TMLHE: variants seen among roughly 807,000 people sequenced by gnomAD.
TMLHE encodes trimethyllysine hydroxylase, epsilon, also known as trimethyllysine dioxygenase, mitochondrial.
In TMLHE, 18 loss-of-function variants were observed where a neutral mutation model predicts 25.7. The observed-to-expected ratio is 0.70, with a 90% CI of 0.48 to 1.04. The LOEUF is 1.04. Ranked by LOEUF, TMLHE falls within the 50% of genes least tolerant of loss-of-function variation. The pLI, the probability that TMLHE is intolerant of heterozygous loss-of-function variation, is 0.00. For missense variants in TMLHE, 236 were observed against 259.0 expected (o/e 0.91, Z 0.61); for synonymous variants, 105 against 97.0 (o/e 1.08, Z -0.49).
chrX:155,588,549 C>T (rs1422734754), intron 1 of TMLHE, among the ~76,000 whole-genome samples: 2 of 111,188 alleles, frequency 1.8e-5, no homozygotes, highest in East Asian at 2.8e-4. Flanking sequence ...GAAGAGACAA[C>T]CCATTGAATG....
rs782579314 is a variant in TMLHE at position 155,549,639 on chromosome X, G to T, written c.-1-4362C>A. Among the ~76,000 whole-genome samples the T allele has an allele frequency of 8.2e-5, 9 of 109,918 alleles. No individual in the cohort carries two copies. In the East Asian group the frequency reaches 2.5e-3, roughly 31 times the overall value. ...TTCAATATGCTGAAATTTTGTTTCA[G>T]TATTTTGCATCTAGATACATGAGGA... is the stretch of plus-strand genomic sequence containing the variant. On this transcript the variant is annotated intron_variant, in intron 1 of 7. Transcript: ENST00000334398.
intron 2 of TMLHE, among the ~76,000 whole-genome samples, chrX:155,537,196 A>G (rs1172448090): frequency 1.8e-5 from 2 of 112,107 alleles, no homozygotes; most frequent in African/African-American, 6.5e-5. Context: ...CAGGATGGAT[A>G]ATGGATCATC....
intron 1 of TMLHE, among the ~76,000 whole-genome samples, chrX:155,555,030 C>T (rs1557340544): frequency 9.1e-6 from 1 of 109,942 alleles, no homozygotes; most frequent in African/African-American, 3.3e-5. Context: ...ATCCCTTCCC[C>T]AGCTCCCCAC....
Position 155,514,096 on chromosome X carries a change from T to G in TMLHE, c.528A>C (p.Gly176=). The G allele has an allele frequency of 1.7e-6, 2 of 1,211,238 alleles. No individual in the cohort carries two copies. The highest frequency in any genetic ancestry group is 3.5e-5 in the African/African-American group (2 of 57,757). The change falls in exon 4 of 8, where the codon GGA becomes GGC. Residue 176 remains glycine, a synonymous_variant. Transcript: ENST00000334398. The part of the protein sequence containing the change: ...DCQSFLETNE[G]LKKFLQNFLL... ...GAAAGTTTTGCAGAAACTTCTTCAG[T>G]CCCTCGTTGGTTTCTAAGAAGCTCT...
intron 1 of TMLHE, among the ~76,000 whole-genome samples, chrX:155,547,209 A>G (rs2067352783): frequency 1.1e-5 from 1 of 91,986 alleles, no homozygotes; most frequent in Non-Finnish European, 2.3e-5. Flanking sequence ...CAGTGGCGCT[A>G]TCTCGGCTCA....
intron 1 of TMLHE, among the ~76,000 whole-genome samples, chrX:155,558,872 A>G (rs1451534920): frequency 8.9e-6 from 1 of 111,999 alleles, no homozygotes; most frequent in Non-Finnish European, 1.9e-5. Context: ...ATATGTAATT[A>G]TGTCTGCCAT....
At chrX:155,582,904 A>C (rs1468565162) in intron 1 of TMLHE, among the ~76,000 whole-genome samples, 1 of 112,505 alleles carries the variant, frequency 8.9e-6, no homozygotes, top group Admixed American at 9.4e-5. Context: ...TCACAATAGC[A>C]AAGACTTGGA....
intron 1 of TMLHE, among the ~76,000 whole-genome samples, chrX:155,599,141 GTAGT>G (rs1406781972): frequency 8.9e-6 from 1 of 111,987 alleles, no homozygotes; most frequent in Non-Finnish European, 1.9e-5. Context: ...TAGGCTATTA[GTAGT>G]TAAGTTTGGG....
intron 1 of TMLHE, among the ~76,000 whole-genome samples, chrX:155,585,443 AC>A (rs2124478751): frequency 9.0e-6 from 1 of 110,598 alleles, no homozygotes; most frequent in African/African-American, 3.3e-5. Flanking sequence ...ACACACACAC[AC>A]ACACACACAT....
intron 4 of TMLHE, 92 bp downstream of exon 4, chrX:155,513,894 G>A (rs1334670322): frequency 6.4e-6 from 6 of 941,754 alleles, no homozygotes; most frequent in African/African-American, 5.9e-5. Context: ...GATTGAAAAC[G>A]AGGGTGACCA....
At chrX:155,515,275 CA>C (rs2067144521) in intron 3 of TMLHE, among the ~76,000 whole-genome samples, 1 of 110,466 alleles carries the variant, frequency 9.1e-6, no homozygotes. Flanking sequence ...AACATTTTAA[CA>C]ATTTTTAAAA....
chrX:155,516,010 C>CTTTTTTT lies in TMLHE; in HGVS notation c.359-1746_359-1745insAAAAAAA, dbSNP rs782343831. On this transcript the variant is annotated intron_variant, in intron 3 of 7. Coordinates refer to ENST00000334398, the MANE Select transcript of TMLHE (RefSeq NM_018196.4). ...TTTCTATTGGAACAATTGTACTTTT[C>CTTTTTTT]TTCTTTTTTTTTTTTTTTTATTATA... Among the ~76,000 whole-genome samples the CTTTTTTT allele has an allele frequency of 3.2e-3, 216 of 66,865 alleles. 4 individuals carry two copies. The highest frequency in any genetic ancestry group is 4.1e-3 in the Non-Finnish European group (146 of 35,474). 58.1% of individuals were successfully genotyped at this position (66,865 alleles called of 115,157 possible). A position where few individuals can be genotyped will look rare whatever the true frequency, so the allele number is the denominator to read the frequency against.
At chrX:155,510,893 A>G (rs1301698990) in intron 5 of TMLHE, among the ~76,000 whole-genome samples, 1 of 106,016 alleles carries the variant, frequency 9.4e-6, no homozygotes, top group South Asian at 4.5e-4. Context: ...CTATTTCTTC[A>G]CATCCTCTCC....
At chrX:155,574,819 A>C (rs1315085449) in intron 1 of TMLHE, among the ~76,000 whole-genome samples, 2 of 112,153 alleles carry the variant, frequency 1.8e-5, no homozygotes, top group African/African-American at 3.2e-5. Context: ...AACTGAAATG[A>C]AAAATTCACT....
At chrX:155,525,535 T>C (rs1054395513) in intron 2 of TMLHE, among the ~76,000 whole-genome samples, 1 of 112,219 alleles carries the variant, frequency 8.9e-6, no homozygotes, top group Non-Finnish European at 1.9e-5. Flanking sequence ...GCTATAAAGA[T>C]ACCTGAAAAT....
At chrX:155,609,887 A>G (rs2067809312) in intron 1 of TMLHE, among the ~76,000 whole-genome samples, 1 of 112,657 alleles carries the variant, frequency 8.9e-6, no homozygotes, top group African/African-American at 3.2e-5. Flanking sequence ...ACGGGGAAAT[A>G]ACAAATATGG....
chrX:155,544,451 C>G (rs1322723261), intron 2 of TMLHE, among the ~76,000 whole-genome samples: 21 of 111,690 alleles, frequency 1.9e-4, no homozygotes, highest in African/African-American at 6.8e-4. Flanking sequence ...AAAGTAAAGC[C>G]AAGGATTGCC....
intron 1 of TMLHE, among the ~76,000 whole-genome samples, chrX:155,555,033 C>G (rs2067440316): frequency 9.1e-6 from 1 of 109,977 alleles, no homozygotes; most frequent in African/African-American, 3.3e-5. Context: ...CCTTCCCCAG[C>G]TCCCCACCCC....
At position 155,524,540 on chromosome X, in the gene TMLHE, G is replaced by T. The variant is rs1603028200; in HGVS notation, c.274C>A (p.Gln92Lys). ...ACACTGGCAGTATCCAGGCTGCGCT[G>T]GTGAGTCTTAGAGTTGTAGCACGAT... ...SASCYNSKTH[Q>K]RSLDTASVDL... is the part of the protein sequence containing the mutation. The change falls in exon 3 of 8, where the codon CAG becomes AAG. Residue 92 changes from glutamine (Q) to lysine (K), a missense_variant. Transcript: ENST00000334398. The T allele has an allele frequency of 8.3e-7, 1 of 1,209,917 alleles. No homozygotes were observed. The highest frequency in any genetic ancestry group is 1.1e-6 in the Non-Finnish European group (1 of 894,540).
Sources: allele counts gnomAD v4.1 joint callset (sites outside exome capture counted in the v4.1 genomes callset), GRCh38; gene constraint gnomAD v4.1.1; transcripts MANE v1.5; gene names NCBI Gene and HGNC (gene_info 2026-07-23, HGNC 2026-07-21).